The following DMXL1 variants were observed in gnomAD, a reference collection of about 807,000 sequenced individuals.
The protein encoded by DMXL1 is Dmx like 1.
Under a neutral mutation model 319.2 loss-of-function variants are expected in DMXL1, and 99 were observed. That is an observed-to-expected ratio of 0.31 (90% confidence interval 0.26 to 0.37). The LOEUF is 0.37. Among genes scored for constraint, DMXL1 ranks in the 10% least tolerant of loss-of-function variants. The pLI is 1.00. For missense variants in DMXL1, 3,745 were observed against 3,595.6 expected (o/e 1.04, Z -1.06); for synonymous variants, 1,385 against 1,235.2 (o/e 1.12, Z -2.54).
chr5:119,176,387 C>G (rs142917067), intron 26 of DMXL1, among the ~76,000 whole-genome samples: 1 of 152,162 alleles, frequency 6.6e-6, no homozygotes, highest in Admixed American at 6.5e-5. Context: ...TTACTTACCA[C>G]TCTGGTTGTA....
intron 34 of DMXL1, among the ~76,000 whole-genome samples, chr5:119,208,504 G>A (rs1042763214): frequency 6.6e-6 from 1 of 152,094 alleles, no homozygotes; most frequent in African/African-American, 2.4e-5. Flanking sequence ...GTGAGACACC[G>A]TGCCCAGCCA....
chr5:119,182,599 TGTA>T (rs1287521126), intron 28 of DMXL1, among the ~76,000 whole-genome samples: 1 of 151,850 alleles, frequency 6.6e-6, no homozygotes, highest in Admixed American at 6.6e-5. Context: ...AATGTATTCT[TGTA>T]GTAACATAAT....
intron 9 of DMXL1, among the ~76,000 whole-genome samples, chr5:119,122,168 G>A (rs1468471555): frequency 1.5e-5 from 2 of 134,816 alleles, no homozygotes; most frequent in East Asian, 2.3e-4. Context: ...CAGACGGGGC[G>A]GCTGGCCGGG....
chr5:119,085,389 A>T (rs1463339033), intron 1 of DMXL1, among the ~76,000 whole-genome samples: 1 of 151,174 alleles, frequency 6.6e-6, no homozygotes, highest in Non-Finnish European at 1.5e-5. Flanking sequence ...TTAATTCTGG[A>T]TTTTTTCTGT....
rs1766948555 is a variant in DMXL1, at chr5:119,140,026, GTAAA to G, written c.2377-3812_2377-3809del. On this transcript the variant is annotated intron_variant, in intron 13 of 43. Transcript: ENST00000539542. Reference sequence around the variant, plus strand: ...AAACATGCTCCTGAATGACTTTTGGGTAAATAGTGAAATTAAGACAGAAACCAAG... The same window carrying G: ...AAACATGCTCCTGAATGACTTTTGGGTAGTGAAATTAAGACAGAAACCAAG... Among the ~76,000 whole-genome samples, 3 of 152,294 alleles carry G rather than the reference GTAAA, an allele frequency of 2.0e-5. No individual in the cohort carries two copies. In the South Asian group the frequency reaches 6.2e-4, roughly 32 times the overall value.
intron 32 of DMXL1, among the ~76,000 whole-genome samples, chr5:119,199,045 C>G (rs909424941): frequency 1.3e-5 from 2 of 152,112 alleles, no homozygotes; most frequent in African/African-American, 4.8e-5. Context: ...CACCACCATG[C>G]CCAGCTAATT....
intron 1 of DMXL1, among the ~76,000 whole-genome samples, chr5:119,079,969 GTA>G (rs1751822528): frequency 6.6e-6 from 1 of 152,178 alleles, no homozygotes; most frequent in Non-Finnish European, 1.5e-5. Flanking sequence ...AGCTCCTGGT[GTA>G]TAGTCTGTGA....
chr5:119,114,447 A>C, intron 5 of DMXL1, 28 bp from the exon 6 acceptor site: 1 of 1,502,392 alleles, frequency 6.7e-7, no homozygotes, highest in Non-Finnish European at 9.1e-7. Context: ...TTTCATTGCA[A>C]ATTATTCCTT....
intron 38 of DMXL1, among the ~76,000 whole-genome samples, chr5:119,232,594 C>G (rs1354214751): frequency 6.6e-6 from 1 of 152,060 alleles, no homozygotes; most frequent in African/African-American, 2.4e-5. Context: ...GAAATGGTCT[C>G]AGAGAGATTA....
In DMXL1 at chr5:119,133,533, G is replaced by A. The variant is rs775092120; in HGVS notation, c.1609G>A (p.Gly537Ser). ...VSRIPVAFPT[G>S]DANSLCKSIM... ...CAGAATTCCAGTAGCTTTCCCCACA[G>A]GTGATGCAAACTCTCTCTGTAAAAG... The change falls in exon 12 of 44, where the codon GGT (glycine) becomes AGT (serine). Residue 537 changes from glycine to serine, a missense_variant. Coordinates refer to ENST00000539542, the MANE Select transcript of DMXL1 (RefSeq NM_001290321.3). 6.8e-6 allele frequency: 11 copies of A among 1,612,750 alleles called. No individual in the cohort carries two copies. Among genetic ancestry groups the A allele is most frequent in the South Asian group, 2.2e-5 (2 of 90,512 alleles).
At chr5:119,157,673 G>A (rs1771408438) in intron 19 of DMXL1, among the ~76,000 whole-genome samples, 1 of 151,936 alleles carries the variant, frequency 6.6e-6, no homozygotes, top group South Asian at 2.1e-4. Context: ...CTGTTCCATT[G>A]GTCTGTTTCT....
chr5:119,150,546 T>C (rs973348554), intron 18 of DMXL1, 125 bp downstream of exon 18: 3 of 1,081,824 alleles, frequency 2.8e-6, no homozygotes, highest in South Asian at 1.8e-5. Context: ...TTCAGCTCTT[T>C]GGGAGGCTGA....
chr5:119,198,099 C>T (rs1449568240), intron 32 of DMXL1, 143 bp downstream of exon 32: 3 of 731,996 alleles, frequency 4.1e-6, no homozygotes, highest in Non-Finnish European at 6.8e-6. Context: ...AGTGATTCTC[C>T]TGCCTCAGTC....
Position 119,150,104 on chromosome 5 carries a change from C to G in DMXL1, c.4277C>G (p.Ser1426Cys), listed in dbSNP as rs993611912. ...DDSCYSSLEK[S>C]SNESTLSKSN... ...AGCTGTTACTCATCTTTGGAGAAAT[C>G]TAGTAATGAGAGTACGTTAAGTAAA... Residue 1426 changes from serine to cysteine, a missense_variant, in exon 18 of 44, where the codon TCT becomes TGT. By Grantham distance (112) the Ser-to-Cys change is moderately radical. This residue lies in a region of DMXL1 where 2,096 missense variants were observed against 1,985.4 expected (regional missense o/e 1.06). Coordinates refer to ENST00000539542, the MANE Select transcript of DMXL1 (RefSeq NM_001290321.3). The G allele has an allele frequency of 8.1e-6, 13 of 1,613,588 alleles. 1 individual carries two copies. The highest frequency in any genetic ancestry group is 1.3e-5 in the African/African-American group (1 of 74,868).
chr5:119,196,385 G>T lies in DMXL1; in HGVS notation c.7472G>T (p.Arg2491Leu). The T allele has an allele frequency of 6.2e-7, 1 of 1,613,624 alleles. No homozygotes were observed. The highest frequency in any genetic ancestry group is 8.5e-7 in the Non-Finnish European group (1 of 1,179,678). The change falls in exon 31 of 44, where the codon CGG becomes CTG. Residue 2491 changes from arginine to leucine, a missense_variant. Arg to Leu is a moderately radical substitution (Grantham distance 102). Coordinates refer to ENST00000539542, the MANE Select transcript of DMXL1 (RefSeq NM_001290321.3). ...NSNSYSWSLM[R>L]LAMVQLVLNN... Reference sequence around the variant, plus strand: ...TTTATTTTTAGTTGGTCCTTGATGCGGTTGGCGATGGTGCAATTGGTGCTC... The same window carrying T: ...TTTATTTTTAGTTGGTCCTTGATGCTGTTGGCGATGGTGCAATTGGTGCTC...
intron 1 of DMXL1, among the ~76,000 whole-genome samples, chr5:119,092,195 G>A (rs1253609491): frequency 6.6e-6 from 1 of 152,098 alleles, no homozygotes; most frequent in East Asian, 1.9e-4. Context: ...GAACTGTCTT[G>A]TCTTCATATG....
At chr5:119,116,128 G>C (rs1201140373) in intron 6 of DMXL1, 30 bp from the exon 7 acceptor site, 2 of 1,564,294 alleles carry the variant, frequency 1.3e-6, no homozygotes, top group African/African-American at 2.8e-5. Flanking sequence ...TGATCTCCAT[G>C]ATTTTCTGTT....
In DMXL1 at chr5:119,150,107, G is replaced by A. The variant is rs144580239; in HGVS notation, c.4280G>A (p.Ser1427Asn). The change falls in exon 18 of 44, where the codon AGT (serine) becomes AAT (asparagine). Residue 1427 changes from serine to asparagine, a missense_variant. Ser to Asn is a conservative substitution (Grantham distance 46). Transcript: ENST00000539542. ...TGTTACTCATCTTTGGAGAAATCTA[G>A]TAATGAGAGTACGTTAAGTAAATCA... The part of the protein sequence containing the change: ...DSCYSSLEKS[S>N]NESTLSKSNQ... The A allele has an allele frequency of 3.0e-5, 49 of 1,613,606 alleles. No individual in the cohort carries two copies. Among genetic ancestry groups the A allele is most frequent in the African/African-American group, 1.2e-4 (9 of 74,896 alleles).
chr5:119,117,354 G>A (rs1019995069), intron 7 of DMXL1, among the ~76,000 whole-genome samples: 1 of 152,048 alleles, frequency 6.6e-6, no homozygotes, highest in African/African-American at 2.4e-5. Flanking sequence ...ATCCCATTTT[G>A]TACTATATGG....
Sources: allele counts gnomAD v4.1 joint callset (sites outside exome capture counted in the v4.1 genomes callset), GRCh38; gene constraint gnomAD v4.1.1; regional missense constraint gnomAD v4.1.1; transcripts MANE v1.5; gene names NCBI Gene and HGNC (gene_info 2026-07-23, HGNC 2026-07-21).